TAF3: variants seen among roughly 807,000 people sequenced by gnomAD.
The protein encoded by TAF3 is TATA-box binding protein associated factor 3, also known as transcription initiation factor TFIID subunit 3.
Under a neutral mutation model 80.6 loss-of-function variants are expected in TAF3, and 7 were observed. That is an observed-to-expected ratio of 0.09 (90% CI 0.05 to 0.16). The LOEUF is 0.16. Among genes scored for constraint, TAF3 ranks in the 10% least tolerant of loss-of-function variants. TAF3 has a pLI of 1.00. For synonymous variants in TAF3, 444 were observed against 446.1 expected (o/e 1.00, Z 0.06); for missense variants, 921 against 1,140.2 (o/e 0.81, Z 2.77).
At chr10:7,900,916 G>A (rs867493797) in intron 2 of TAF3, among the ~76,000 whole-genome samples, 1 of 60,888 alleles carries the variant, frequency 1.6e-5, no homozygotes, top group Non-Finnish European at 3.7e-5. Context: ...TCACGTTTAG[G>A]ATACCATATT....
intron 2 of TAF3, among the ~76,000 whole-genome samples, chr10:7,845,949 G>T (rs1404175405): frequency 1.4e-5 from 2 of 143,052 alleles, no homozygotes; most frequent in Admixed American, 7.4e-5. Flanking sequence ...GAAGTGGTTT[G>T]TGTGTTTTTG....
chr10:7,966,681 G>A (rs937758300), intron 3 of TAF3, among the ~76,000 whole-genome samples: 1 of 152,140 alleles, frequency 6.6e-6, no homozygotes, highest in Non-Finnish European at 1.5e-5. Context: ...ATAATACCCA[G>A]TAGTTTTGTT....
chr10:7,958,612 G>T (rs1254508647), intron 2 of TAF3, among the ~76,000 whole-genome samples: 1 of 152,184 alleles, frequency 6.6e-6, no homozygotes, highest in African/African-American at 2.4e-5. Flanking sequence ...GTTCCCTGGG[G>T]GCTGGGGTAG....
At chr10:7,939,626 A>G (rs941530725) in intron 2 of TAF3, among the ~76,000 whole-genome samples, 3 of 146,704 alleles carry the variant, frequency 2.0e-5, no homozygotes, top group East Asian at 4.0e-4. Flanking sequence ...ACACACCTCT[A>G]CCTACACCCC....
chr10:7,820,498 T>A (rs954106081), intron 1 of TAF3, among the ~76,000 whole-genome samples: 5 of 152,242 alleles, frequency 3.3e-5, no homozygotes, highest in African/African-American at 1.2e-4. Flanking sequence ...ATACTTCTAT[T>A]ACTCTTCTTC....
chr10:7,982,785 G>A (rs1487005179), intron 4 of TAF3, among the ~76,000 whole-genome samples: 3 of 152,176 alleles, frequency 2.0e-5, no homozygotes, highest in African/African-American at 7.2e-5. Context: ...TAACTTCTAT[G>A]TGGGAGCAGA....
rs1169421296 is a variant in TAF3 at position 7,856,856 on chromosome 10, C to T, written c.409+32296C>T. ...TCTGGTAAATGTTTAACAGCTGGTTCTCAAAAAAAAAAAAAAAAAAAAAAG... is the reference window on the plus strand; with the variant it reads ...TCTGGTAAATGTTTAACAGCTGGTTTTCAAAAAAAAAAAAAAAAAAAAAAG... On this transcript the variant is annotated intron_variant, in intron 2 of 6. Coordinates refer to ENST00000344293, the MANE Select transcript of TAF3 (RefSeq NM_031923.4). 5.1e-5 allele frequency among the ~76,000 whole-genome samples: 4 copies of T among 78,454 alleles called. No individual in the cohort carries two copies. The Admixed American group carries it at 7.0e-4, about 14-fold the overall frequency. The allele number at this position is 78,454 out of a possible 152,430, so 51.5% of individuals were successfully genotyped here. A position where few individuals can be genotyped will look rare whatever the true frequency, so the allele number is the denominator to read the frequency against.
intron 2 of TAF3, among the ~76,000 whole-genome samples, chr10:7,878,842 C>T (rs2131152374): frequency 6.6e-6 from 1 of 152,180 alleles, no homozygotes; most frequent in East Asian, 1.9e-4. Context: ...ATTATCCTGT[C>T]TCAGCCTCCT....
chr10:7,865,362 C>G (rs2131140263), intron 2 of TAF3, among the ~76,000 whole-genome samples: 1 of 152,184 alleles, frequency 6.6e-6, no homozygotes, highest in South Asian at 2.1e-4. Context: ...GCCTGTAGTC[C>G]CAGCTACTCG....
rs563341695 is a variant in TAF3 at position 7,882,398 on chromosome 10, A to G, written c.409+57838A>G. ...TCATCCAGTCCATCTACCTCATTTT[A>G]TAACAGAGGAAATAATTGTTACAGG... is the stretch of plus-strand genomic sequence containing the variant. On this transcript the variant is annotated intron_variant, in intron 2 of 6. Coordinates refer to ENST00000344293, the MANE Select transcript of TAF3 (RefSeq NM_031923.4). Among the ~76,000 whole-genome samples, 6 of 152,310 alleles carry G rather than the reference A, an allele frequency of 3.9e-5. No individual in the cohort carries two copies. The South Asian group carries it at 1.2e-3, about 32-fold the overall frequency.
At chr10:7,926,682 A>C (rs1291735022) in intron 2 of TAF3, among the ~76,000 whole-genome samples, 1 of 152,180 alleles carries the variant, frequency 6.6e-6, no homozygotes, top group Non-Finnish European at 1.5e-5. Flanking sequence ...TTGTCTTTAA[A>C]ATTTATCCAC....
intron 2 of TAF3, among the ~76,000 whole-genome samples, chr10:7,959,826 T>C (rs1369371444): frequency 6.6e-6 from 1 of 152,072 alleles, no homozygotes; most frequent in Non-Finnish European, 1.5e-5. Flanking sequence ...TACAGAAAAA[T>C]CCAAATTTTC....
At chr10:7,887,829 A>C (rs1181622303) in intron 2 of TAF3, among the ~76,000 whole-genome samples, 1 of 152,108 alleles carries the variant, frequency 6.6e-6, no homozygotes, top group African/African-American at 2.4e-5. Context: ...TAAAAAAAAA[A>C]ACACCAAAAC....
chr10:7,940,940 C>G (rs1350164042), intron 2 of TAF3, among the ~76,000 whole-genome samples: 3 of 146,508 alleles, frequency 2.0e-5, no homozygotes, highest in Non-Finnish European at 4.5e-5. Flanking sequence ...GCCTGGAAGA[C>G]AGAGCAAGAC....
chr10:7,908,763 A>T (rs1837629332), intron 2 of TAF3, among the ~76,000 whole-genome samples: 1 of 152,264 alleles, frequency 6.6e-6, no homozygotes, highest in Non-Finnish European at 1.5e-5. Flanking sequence ...CCTGATATGT[A>T]AGACAGATTA....
chr10:7,920,726 A>G (rs913407529), intron 2 of TAF3, among the ~76,000 whole-genome samples: 1 of 152,228 alleles, frequency 6.6e-6, no homozygotes, highest in Admixed American at 6.5e-5. Flanking sequence ...ATATGGTTAA[A>G]TCTGAAAAGC....
intron 2 of TAF3, among the ~76,000 whole-genome samples, chr10:7,867,746 A>C (rs1837227239): frequency 6.6e-6 from 1 of 152,198 alleles, no homozygotes; most frequent in Admixed American, 6.5e-5. Context: ...TTAGATTTTT[A>C]TTACAAAGTT....
chr10:7,943,856 G>A (rs893106323), intron 2 of TAF3, among the ~76,000 whole-genome samples: 5 of 152,188 alleles, frequency 3.3e-5, no homozygotes, highest in Admixed American at 2.6e-4. Context: ...AGATAGTCAG[G>A]AACTGATATA....
At chr10:7,854,363 C>G (rs2131128620) in intron 2 of TAF3, among the ~76,000 whole-genome samples, 1 of 152,240 alleles carries the variant, frequency 6.6e-6, no homozygotes, top group East Asian at 1.9e-4. Context: ...AATTATTTGC[C>G]CCAAAACAAT....
Sources: gnomAD v4.1 joint callset for allele counts (sites outside exome capture counted in the v4.1 genomes callset) on GRCh38, gnomAD v4.1.1 for gene constraint, MANE v1.5 for transcripts, NCBI Gene and HGNC (gene_info 2026-07-23, HGNC 2026-07-21) for gene names.